LCTL: variants seen among roughly 807,000 people sequenced by gnomAD.
The protein encoded by LCTL is lactase-like protein.
Under a neutral mutation model 75.8 loss-of-function variants are expected in LCTL, and 76 were observed. The ratio of observed to expected loss-of-function variants is 1.00; its 90% CI spans 0.83 to 1.21. LCTL has a LOEUF of 1.21. Among genes scored for constraint, LCTL ranks in the 50% most tolerant of loss-of-function variants. The pLI, the probability that LCTL is intolerant of heterozygous loss-of-function variation, is 0.00. For missense variants in LCTL, 670 were observed against 712.4 expected (o/e 0.94, Z 0.68); for synonymous variants, 271 against 268.8 (o/e 1.01, Z -0.08).
At position 66,552,032 on chromosome 15, in the gene LCTL, TTG is replaced by T. The variant is rs1272732487; in HGVS notation, c.1324+9_1324+10del. On this transcript the variant is annotated intron_variant, in intron 10 of 12. Transcript: ENST00000341509. ...CGGGAAAACTGCAGACAATCTTGGT[TTG>T]TGTCTCACCTTTTAGCATTTCATTT... is the stretch of plus-strand genomic sequence containing the variant. 6.2e-7 allele frequency: 1 copy of T among 1,605,820 alleles called. No homozygotes were observed. Among genetic ancestry groups the T allele is most frequent in the Non-Finnish European group, 8.5e-7 (1 of 1,177,336 alleles).
chr15:66,560,289 C>T (rs1037951646), intron 6 of LCTL, among the ~76,000 whole-genome samples: 2 of 152,126 alleles, frequency 1.3e-5, no homozygotes, highest in Non-Finnish European at 2.9e-5. Context: ...CCGCATGCCT[C>T]GTATCCCTGT....
chr15:66,558,377 G>C (rs897172038), intron 6 of LCTL, among the ~76,000 whole-genome samples: 4 of 152,182 alleles, frequency 2.6e-5, no homozygotes, highest in African/African-American at 9.7e-5. Flanking sequence ...AAAATACCAA[G>C]TGTCTGAAAT....
intron 2 of LCTL, 63 bp from the exon 4 acceptor site, chr15:66,564,061 T>A: frequency 9.1e-7 from 1 of 1,100,816 alleles, no homozygotes; most frequent in Non-Finnish European, 1.4e-6. Flanking sequence ...TAGGGGTCCA[T>A]CGGGCTCTAG....
intron 2 of LCTL, 52 bp from the exon 4 acceptor site, chr15:66,564,050 G>T: frequency 1.6e-6 from 2 of 1,224,626 alleles, no homozygotes; most frequent in Non-Finnish European, 2.4e-6. Flanking sequence ...GGTATGGGAG[G>T]TAGGGGTCCA....
rs2140854344 is a variant in LCTL at position 66,563,837 on chromosome 15, CTG to C, written c.370+72_370+73del. The C allele has an allele frequency of 1.4e-5, 17 of 1,201,110 alleles. No individual in the cohort carries two copies. In the South Asian group the frequency reaches 1.6e-4, roughly 11 times the overall value. The allele number at this position is 1,201,110 out of a possible 1,614,324, so 74.4% of individuals were successfully genotyped here. On this transcript the variant is annotated intron_variant, in intron 3 of 12. Coordinates refer to ENST00000341509, the Ensembl canonical transcript of LCTL. ...TGGGCTGATCTCCCTCCCCAGGACTCTGTGGTGCCCCTGCAAAGCCAACATTG... is the reference window on the plus strand; with the variant it reads ...TGGGCTGATCTCCCTCCCCAGGACTCTGGTGCCCCTGCAAAGCCAACATTG...
At chr15:66,560,579 T>C (rs2140848751) in intron 6 of LCTL, among the ~76,000 whole-genome samples, 1 of 152,290 alleles carries the variant, frequency 6.6e-6, no homozygotes, top group African/African-American at 2.4e-5. Flanking sequence ...CTAGTTTTCC[T>C]TCCTCCTTCA....
chr15:66,554,689 T>C (rs1237555105), intron 8 of LCTL, among the ~76,000 whole-genome samples: 1 of 152,202 alleles, frequency 6.6e-6, no homozygotes, highest in African/African-American at 2.4e-5. Context: ...AACCTAAATG[T>C]CTGTCAGTAG....
chr15:66,564,848 G>C lies in LCTL; in HGVS notation c.119-9C>G. The stretch of plus-strand genomic sequence containing the variant: ...CACGCCCCAGGAGAAGCCTGCAGGG[G>C]GAGACCCGTGCTGGGTCCCAGGTGC... On this transcript the variant is annotated splice_polypyrimidine_tract_variant and intron_variant, in intron 1 of 12. Transcript: ENST00000341509. The C allele has an allele frequency of 6.2e-7, 1 of 1,608,364 alleles. No homozygotes were observed. Among genetic ancestry groups the C allele is most frequent in the South Asian group, 1.1e-5 (1 of 90,978 alleles).
intron 9 of LCTL, 137 bp downstream of exon 10, chr15:66,552,847 C>T (rs959793018): frequency 4.1e-6 from 3 of 724,338 alleles, no homozygotes; most frequent in African/African-American, 3.6e-5. Flanking sequence ...GTAAGGCCTA[C>T]ATTTAGTAGC....
At chr15:66,560,590 A>G (rs908229634) in intron 6 of LCTL, among the ~76,000 whole-genome samples, 2 of 151,912 alleles carry the variant, frequency 1.3e-5, no homozygotes, top group African/African-American at 4.8e-5. Context: ...TCCTCCTTCA[A>G]AATTCCCAGG....
intron 2 of LCTL, 39 bp downstream of exon 3, chr15:66,564,637 A>ACG (rs201869346): frequency 2.8e-5 from 44 of 1,580,440 alleles, no homozygotes; most frequent in Admixed American, 1.5e-4. Context: ...ATGTGTGTGC[A>ACG]CGCGCGCGCA....
chr15:66,564,756 C>T lies in LCTL; in HGVS notation c.202G>A (p.Val68Ile), dbSNP rs202220021. 1.3e-5 allele frequency: 21 copies of T among 1,613,832 alleles called. No homozygotes were observed. The highest frequency in any genetic ancestry group is 3.3e-4 in the Middle Eastern group (2 of 6,062). ...TTCCCCTTCCCACTGTGTGTGAAGA[C>T]GTCCCAGATGCTAGGCCCTTTCCCG... The change falls in exon 2 of 13, where the codon GTC (valine) becomes ATC (isoleucine). Residue 68 changes from valine to isoleucine, a missense_variant. By Grantham distance (29) the Val-to-Ile change is conservative (BLOSUM62 3). Transcript: ENST00000341509.
chr15:66,548,472 A>G (rs771051137), exon 13 of LCTL: 42 of 1,440,986 alleles, frequency 2.9e-5, no homozygotes, highest in Non-Finnish European at 4.0e-5. Context: ...ATGAAGCTCC[A>G]AAATTGATAA....
In LCTL at chr15:66,551,132, A is replaced by T. The variant is rs556648478; in HGVS notation, c.1524+530T>A. On this transcript the variant is annotated intron_variant, in intron 11 of 12. Transcript: ENST00000341509. Reference sequence around the variant, plus strand: ...AGGAGGCTGAGGTGGGCAGATCACGAGGTCAAGAGTTAGAGACCATTCTGG... The same window carrying T: ...AGGAGGCTGAGGTGGGCAGATCACGTGGTCAAGAGTTAGAGACCATTCTGG... Among the ~76,000 whole-genome samples, 4 of 151,916 alleles carry T rather than the reference A, an allele frequency of 2.6e-5. No homozygotes were observed. In the East Asian group the frequency reaches 7.8e-4, roughly 30 times the overall value.
chr15:66,551,899 T>C (rs760985451), intron 10 of LCTL, 38 bp from the exon 12 acceptor site: 4 of 1,549,854 alleles, frequency 2.6e-6, no homozygotes, highest in Non-Finnish European at 2.6e-6. Context: ...ATATATTTCA[T>C]TTACTTAGAA....
chr15:66,550,008 A>G, intron 12 of LCTL, 33 bp downstream of exon 13: 1 of 1,457,932 alleles, frequency 6.9e-7, no homozygotes, highest in Non-Finnish European at 9.3e-7. Context: ...TAGTTTAATT[A>G]TTAAAGGAAA....
At chr15:66,551,091 G>A (rs1257910228) in intron 11 of LCTL, among the ~76,000 whole-genome samples, 1 of 151,982 alleles carries the variant, frequency 6.6e-6, no homozygotes, top group South Asian at 2.1e-4. Context: ...GCTCACGCCT[G>A]TAATCCCAGC....
chr15:66,550,233 A>G, intron 11 of LCTL, 129 bp from the exon 13 acceptor site: 1 of 607,916 alleles, frequency 1.6e-6, no homozygotes, highest in Non-Finnish European at 2.9e-6. Flanking sequence ...ATGTTTTTAA[A>G]TCATTTTGTA....
intron 2 of LCTL, 44 bp from the exon 4 acceptor site, chr15:66,564,042 T>C: frequency 7.6e-7 from 1 of 1,319,448 alleles, no homozygotes; most frequent in Non-Finnish European, 1.1e-6. Flanking sequence ...GGGCCCTGGG[T>C]ATGGGAGGTA....
Sources: gnomAD v4.1 joint callset for allele counts (sites outside exome capture counted in the v4.1 genomes callset) on GRCh38, gnomAD v4.1.1 for gene constraint, MANE v1.5 for transcripts, NCBI Gene and HGNC (gene_info 2026-07-23, HGNC 2026-07-21) for gene names.